C3orf80: variants seen among roughly 807,000 people sequenced by gnomAD.
The protein encoded by C3orf80 is uncharacterized membrane protein C3orf80.
In C3orf80, 10 loss-of-function variants were observed where a neutral mutation model predicts 15.8. That is an observed-to-expected ratio of 0.63 (90% CI 0.39 to 1.07). The LOEUF (loss-of-function observed/expected upper bound fraction) is 1.07. C3orf80 is among the 50% of genes least tolerant of loss of function. The pLI is 0.01. For missense variants in C3orf80, 364 were observed against 379.3 expected, an observed-to-expected ratio of 0.96 and a Z score of 0.34; for synonymous variants, 183 against 192.0, an observed-to-expected ratio of 0.95 and a Z score of 0.39.
rs13326571 is a variant in C3orf80 at position 160,225,476 on chromosome 3, A to C, written c.-160A>C. 1.6e-6 allele frequency: 1 copy of C among 638,346 alleles called. No homozygotes were observed. The highest frequency in any genetic ancestry group is 2.2e-6 in the Non-Finnish European group (1 of 451,078). The allele number at this position is 638,346 out of a possible 1,614,324, so 39.5% of individuals were successfully genotyped here. On this transcript the variant is annotated 5_prime_UTR_variant, in exon 1 of 1. Coordinates refer to ENST00000326474, the MANE Select transcript of C3orf80 (RefSeq NM_001168214.2). The surrounding 1 kb of genome is among the most constrained non-coding windows in gnomAD (Gnocchi z 5.6). ...CGCCGCGGGCTCCTCCTCCCGCCCAAGCGTGGCCAAGTGAGGACTGCTCCG... is the reference window on the plus strand; with the variant it reads ...CGCCGCGGGCTCCTCCTCCCGCCCACGCGTGGCCAAGTGAGGACTGCTCCG...
rs1725660893 is a variant in C3orf80 at position 160,225,948 on chromosome 3, A to G, written c.313A>G (p.Ser105Gly). Reference sequence around the variant, plus strand: ...TTTCCTGCAGCGCATCATCTGCCCCAGTCCACGCAGGTACCCGCGCGGCCA... The same window carrying G: ...TTTCCTGCAGCGCATCATCTGCCCCGGTCCACGCAGGTACCCGCGCGGCCA... ...GYFLQRIICP[S>G]PRRYPRGQAR... The change falls in exon 1 of 1, where the codon AGT becomes GGT. Residue 105 changes from serine (S) to glycine (G), a missense_variant. Physicochemically the swap from Ser to Gly is moderately conservative, Grantham distance 56 (BLOSUM62 0). Coordinates refer to ENST00000326474, the MANE Select transcript of C3orf80 (RefSeq NM_001168214.2). This position sits in a 1 kb window ranked among gnomAD's most constrained non-coding sequence, Gnocchi z 5.6. 2.8e-6 allele frequency: 4 copies of G among 1,416,654 alleles called. No homozygotes were observed. In the South Asian group the frequency reaches 5.9e-5, roughly 21 times the overall value. The allele number at this position is 1,416,654 out of a possible 1,614,324, so 87.8% of individuals were successfully genotyped here.
rs1382974249 is a variant in C3orf80 at position 160,225,806 on chromosome 3, C to T, written c.171C>T (p.Asn57=). ...GERERCCDAT[N]ATAVRCCKLP... The stretch of plus-strand genomic sequence containing the variant: ...GGGAGCGCTGCTGCGACGCGACCAA[C>T]GCCACGGCGGTGCGCTGCTGCAAGC... Residue 57 remains asparagine (N), a synonymous_variant, in exon 1 of 1, where the codon AAC becomes AAT. Transcript: ENST00000326474. This position sits in a 1 kb window ranked among gnomAD's most constrained non-coding sequence, Gnocchi z 5.6. 6.8e-7 allele frequency: 1 copy of T among 1,474,622 alleles called. No homozygotes were observed. Among genetic ancestry groups the T allele is most frequent in the Non-Finnish European group, 8.9e-7 (1 of 1,117,728 alleles). The allele number at this position is 1,474,622 out of a possible 1,614,324, so 91.3% of individuals were successfully genotyped here.
Position 160,226,196 on chromosome 3 carries a change from G to A in C3orf80, c.561G>A (p.Ser187=), listed in dbSNP as rs1263016834. ...CAGAGCACGAGATGCGTGTAGTGTC[G>A]CCGGTCTTCCTGCAGCTGCCCAGCT... ...CASEHEMRVV[S]PVFLQLPSYE... is the part of the protein sequence containing the mutation. Residue 187 remains serine, a synonymous_variant, in exon 1 of 1, where the codon TCG becomes TCA. Transcript: ENST00000326474. The surrounding 1 kb of genome is among the most constrained non-coding windows in gnomAD (Gnocchi z 5.2). 13 of 1,530,478 alleles carry A rather than the reference G, an allele frequency of 8.5e-6. No homozygotes were observed. The East Asian group carries it at 3.2e-4, about 38-fold the overall frequency. 94.8% of individuals were successfully genotyped at this position (1,530,478 alleles called of 1,614,324 possible). A position where few individuals can be genotyped will look rare whatever the true frequency, so the allele number is the denominator to read the frequency against.
At position 160,225,708 on chromosome 3, in the gene C3orf80, C is replaced by G; in HGVS notation, c.73C>G (p.Leu25Val). 2 of 1,382,616 alleles carry G rather than the reference C, an allele frequency of 1.4e-6. No individual in the cohort carries two copies. The highest frequency in any genetic ancestry group is 3.3e-5 in the South Asian group (2 of 59,712). 85.6% of individuals were successfully genotyped at this position (1,382,616 alleles called of 1,614,324 possible). The change falls in exon 1 of 1, where the codon CTA (leucine) becomes GTA (valine). Residue 25 changes from leucine (L) to valine (V), a missense_variant. Physicochemically the swap from Leu to Val is conservative, Grantham distance 32. Coordinates refer to ENST00000326474, the MANE Select transcript of C3orf80 (RefSeq NM_001168214.2). The surrounding 1 kb of genome is among the most constrained non-coding windows in gnomAD (Gnocchi z 5.6). ...GCCGCCGCCTCTGCTGCCGCTGCTG[C>G]TACTGCTGGCGCTGGCGCTGGTGGC... ...PAPPPLLPLL[L>V]LLALALVAPS... is the part of the protein sequence containing the mutation.
Position 160,226,380 on chromosome 3 carries a change from G to A in C3orf80, c.*1G>A, listed in dbSNP as rs113855599. On this transcript the variant is annotated 3_prime_UTR_variant, in exon 1 of 1. Transcript: ENST00000326474. The surrounding 1 kb of genome is among the most constrained non-coding windows in gnomAD (Gnocchi z 5.2). ...CGAGGGCCGCTACCCTCTTATCTGA[G>A]CGCTCGGGGATCGGCGGCTGGTGCA... The A allele has an allele frequency of 3.3e-3, 4,796 of 1,442,630 alleles. 11 individuals carry two copies. Among genetic ancestry groups the A allele is most frequent in the Non-Finnish European group, 4.2e-3 (4,579 of 1,102,378 alleles). 89.4% of individuals were successfully genotyped at this position (1,442,630 alleles called of 1,614,324 possible). A position where few individuals can be genotyped will look rare whatever the true frequency, so the allele number is the denominator to read the frequency against.
In C3orf80 at chr3:160,226,386, G is replaced by A. The variant is rs1711499765; in HGVS notation, c.*7G>A. ...CCGCTACCCTCTTATCTGAGCGCTC[G>A]GGGATCGGCGGCTGGTGCAGGGCTG... On this transcript the variant is annotated 3_prime_UTR_variant, in exon 1 of 1. Coordinates refer to ENST00000326474, the MANE Select transcript of C3orf80 (RefSeq NM_001168214.2). The surrounding 1 kb of genome is among the most constrained non-coding windows in gnomAD (Gnocchi z 5.2). 7.0e-6 allele frequency: 10 copies of A among 1,433,534 alleles called. No homozygotes were observed. Among genetic ancestry groups the A allele is most frequent in the African/African-American group, 1.5e-5 (1 of 67,126 alleles). 88.8% of individuals were successfully genotyped at this position (1,433,534 alleles called of 1,614,324 possible). A position where few individuals can be genotyped will look rare whatever the true frequency, so the allele number is the denominator to read the frequency against.
rs1711510296 is a variant in C3orf80 at position 160,227,559 on chromosome 3, A to G, written c.*1180A>G. ...TATGATGTTGTGCACTTTCTCCTCC[A>G]TTTTTCATTTGGAATACATTCCACA... On this transcript the variant is annotated 3_prime_UTR_variant, in exon 1 of 1. Transcript: ENST00000326474. 6.6e-6 allele frequency: 1 copy of G among 152,124 alleles called. No individual in the cohort carries two copies. Among genetic ancestry groups the G allele is most frequent in the South Asian group, 2.1e-4 (1 of 4,828 alleles). 9.4% of individuals were successfully genotyped at this position (152,124 alleles called of 1,614,324 possible). A position where few individuals can be genotyped will look rare whatever the true frequency, so the allele number is the denominator to read the frequency against.
At position 160,225,917 on chromosome 3, in the gene C3orf80, C is replaced by A. The variant is rs1159918860; in HGVS notation, c.282C>A (p.Ile94=). The A allele has an allele frequency of 6.8e-7, 1 of 1,470,414 alleles. No homozygotes were observed. The highest frequency in any genetic ancestry group is 2.3e-5 in the Admixed American group (1 of 43,582). The allele number at this position is 1,470,414 out of a possible 1,614,324, so 91.1% of individuals were successfully genotyped here. A position where few individuals can be genotyped will look rare whatever the true frequency, so the allele number is the denominator to read the frequency against. Residue 94 remains isoleucine, a synonymous_variant, in exon 1 of 1, where the codon ATC becomes ATA. Coordinates refer to ENST00000326474, the MANE Select transcript of C3orf80 (RefSeq NM_001168214.2). The surrounding 1 kb of genome is among the most constrained non-coding windows in gnomAD (Gnocchi z 5.6). The part of the protein sequence containing the change: ...GLLILLVLFA[I]GYFLQRIICP... The stretch of plus-strand genomic sequence containing the variant: ...TCATCCTGCTGGTGCTCTTCGCCAT[C>A]GGCTATTTCCTGCAGCGCATCATCT...
Position 160,226,558 on chromosome 3 carries a change from T to A in C3orf80, c.*179T>A, listed in dbSNP as rs907145546. The A allele has an allele frequency of 1.1e-5, 7 of 648,288 alleles. No individual in the cohort carries two copies. The highest frequency in any genetic ancestry group is 1.2e-5 in the Non-Finnish European group (5 of 430,662). The allele number at this position is 648,288 out of a possible 1,614,324, so 40.2% of individuals were successfully genotyped here. A position where few individuals can be genotyped will look rare whatever the true frequency, so the allele number is the denominator to read the frequency against. Reference sequence around the variant, plus strand: ...GTTCTCCCGGGATCTTATGTTTCTCTGCGTTTCATTCCGTTCAAAGAAACG... The same window carrying A: ...GTTCTCCCGGGATCTTATGTTTCTCAGCGTTTCATTCCGTTCAAAGAAACG... On this transcript the variant is annotated 3_prime_UTR_variant, in exon 1 of 1. Transcript: ENST00000326474. The surrounding 1 kb of genome is among the most constrained non-coding windows in gnomAD (Gnocchi z 5.2).
Position 160,225,501 on chromosome 3 carries a change from G to A in C3orf80, c.-135G>A, listed in dbSNP as rs965503984. On this transcript the variant is annotated 5_prime_UTR_variant, in exon 1 of 1. Transcript: ENST00000326474. This position sits in a 1 kb window ranked among gnomAD's most constrained non-coding sequence, Gnocchi z 5.6. Reference sequence around the variant, plus strand: ...AGCGTGGCCAAGTGAGGACTGCTCCGGCCGCAGGTAGCTGAGGCGCGGGAG... The same window carrying A: ...AGCGTGGCCAAGTGAGGACTGCTCCAGCCGCAGGTAGCTGAGGCGCGGGAG... 3.5e-6 allele frequency: 3 copies of A among 869,250 alleles called. No homozygotes were observed. Among genetic ancestry groups the A allele is most frequent in the East Asian group, 3.5e-5 (1 of 28,308 alleles). The allele number at this position is 869,250 out of a possible 1,614,324, so 53.8% of individuals were successfully genotyped here. A position where few individuals can be genotyped will look rare whatever the true frequency, so the allele number is the denominator to read the frequency against.
chr3:160,225,999 C>A lies in C3orf80; in HGVS notation c.364C>A (p.Pro122Thr). 7.5e-7 allele frequency: 1 copy of A among 1,324,888 alleles called. No individual in the cohort carries two copies. The highest frequency in any genetic ancestry group is 9.6e-7 in the Non-Finnish European group (1 of 1,042,726). The allele number at this position is 1,324,888 out of a possible 1,614,324, so 82.1% of individuals were successfully genotyped here. The change falls in exon 1 of 1, where the codon CCT becomes ACT. Residue 122 changes from proline to threonine, a missense_variant. Transcript: ENST00000326474. The surrounding 1 kb of genome is among the most constrained non-coding windows in gnomAD (Gnocchi z 5.6). ...GGCGCGCCCGGGACAGCGGCCCGGGCCTCCGGGGGGCGCCGGACCGCTGGG... is the reference window on the plus strand; with the variant it reads ...GGCGCGCCCGGGACAGCGGCCCGGGACTCCGGGGGGCGCCGGACCGCTGGG... ...GQARPGQRPG[P>T]PGGAGPLGGA...
In C3orf80 at chr3:160,225,534, G is replaced by A. The variant is rs932343697; in HGVS notation, c.-102G>A. On this transcript the variant is annotated 5_prime_UTR_variant, in exon 1 of 1. Coordinates refer to ENST00000326474, the MANE Select transcript of C3orf80 (RefSeq NM_001168214.2). The surrounding 1 kb of genome is among the most constrained non-coding windows in gnomAD (Gnocchi z 5.6). ...GTAGCTGAGGCGCGGGAGGCGGCGCGCGCGGGACCCGAGCGGAGCGCCGGG... is the reference window on the plus strand; with the variant it reads ...GTAGCTGAGGCGCGGGAGGCGGCGCACGCGGGACCCGAGCGGAGCGCCGGG... The A allele has an allele frequency of 8.9e-7, 1 of 1,123,294 alleles. No individual in the cohort carries two copies. The highest frequency in any genetic ancestry group is 1.1e-6 in the Non-Finnish European group (1 of 888,322). 69.6% of individuals were successfully genotyped at this position (1,123,294 alleles called of 1,614,324 possible). A position where few individuals can be genotyped will look rare whatever the true frequency, so the allele number is the denominator to read the frequency against.
In C3orf80 at chr3:160,225,684, C is replaced by T; in HGVS notation, c.49C>T (p.Pro17Ser). 7.2e-7 allele frequency: 1 copy of T among 1,394,856 alleles called. No individual in the cohort carries two copies. The highest frequency in any genetic ancestry group is 9.3e-7 in the Non-Finnish European group (1 of 1,079,988). The allele number at this position is 1,394,856 out of a possible 1,614,324, so 86.4% of individuals were successfully genotyped here. ...TGAGGGCCTGTCGGTGGCTCCGGCG[C>T]CGCCGCCTCTGCTGCCGCTGCTGCT... ...TAEGLSVAPAPPPLLPLLLLL... is the reference protein window; with the variant it reads ...TAEGLSVAPASPPLLPLLLLL... Residue 17 changes from proline to serine, a missense_variant, in exon 1 of 1, where the codon CCG becomes TCG. By Grantham distance (74) the Pro-to-Ser change is moderately conservative. Transcript: ENST00000326474. This position sits in a 1 kb window ranked among gnomAD's most constrained non-coding sequence, Gnocchi z 5.6.
At position 160,225,654 on chromosome 3, in the gene C3orf80, A is replaced by G; in HGVS notation, c.19A>G (p.Thr7Ala). 1 of 1,383,342 alleles carries G rather than the reference A, an allele frequency of 7.2e-7. No individual in the cohort carries two copies. The highest frequency in any genetic ancestry group is 9.3e-7 in the Non-Finnish European group (1 of 1,073,720). 85.7% of individuals were successfully genotyped at this position (1,383,342 alleles called of 1,614,324 possible). A position where few individuals can be genotyped will look rare whatever the true frequency, so the allele number is the denominator to read the frequency against. ...GCGGGCCATGTGGGGACCCGGGGTC[A>G]CTGCTGAGGGCCTGTCGGTGGCTCC... MWGPGV[T>A]AEGLSVAPAP... Residue 7 changes from threonine to alanine, a missense_variant, in exon 1 of 1, where the codon ACT becomes GCT. Coordinates refer to ENST00000326474, the MANE Select transcript of C3orf80 (RefSeq NM_001168214.2). The surrounding 1 kb of genome is among the most constrained non-coding windows in gnomAD (Gnocchi z 5.6).
chr3:160,226,375 T>C lies in C3orf80; in HGVS notation c.740T>C (p.Ile247Thr), dbSNP rs1015734661. The change falls in exon 1 of 1, where the codon ATC becomes ACC. Residue 247 changes from isoleucine to threonine, a missense_variant. Coordinates refer to ENST00000326474, the MANE Select transcript of C3orf80 (RefSeq NM_001168214.2). This position sits in a 1 kb window ranked among gnomAD's most constrained non-coding sequence, Gnocchi z 5.2. ...PDGGEGRYPL[I>T] ...GGCGGCGAGGGCCGCTACCCTCTTA[T>C]CTGAGCGCTCGGGGATCGGCGGCTG... 6.9e-6 allele frequency: 10 copies of C among 1,449,328 alleles called. No homozygotes were observed. In the African/African-American group the frequency reaches 1.3e-4, roughly 19 times the overall value. The allele number at this position is 1,449,328 out of a possible 1,614,324, so 89.8% of individuals were successfully genotyped here.
Position 160,225,656 on chromosome 3 carries a change from T to C in C3orf80, c.21T>C (p.Thr7=). 1 of 1,390,818 alleles carries C rather than the reference T, an allele frequency of 7.2e-7. No homozygotes were observed. The highest frequency in any genetic ancestry group is 2.0e-4 in the Middle Eastern group (1 of 4,936). 86.2% of individuals were successfully genotyped at this position (1,390,818 alleles called of 1,614,324 possible). ...GGGCCATGTGGGGACCCGGGGTCACTGCTGAGGGCCTGTCGGTGGCTCCGG... is the reference window on the plus strand; with the variant it reads ...GGGCCATGTGGGGACCCGGGGTCACCGCTGAGGGCCTGTCGGTGGCTCCGG... MWGPGV[T]AEGLSVAPAP... The change falls in exon 1 of 1, where the codon ACT becomes ACC. Residue 7 remains threonine (T), a synonymous_variant. Transcript: ENST00000326474. This position sits in a 1 kb window ranked among gnomAD's most constrained non-coding sequence, Gnocchi z 5.6.
At position 160,225,692 on chromosome 3, in the gene C3orf80, T is replaced by A; in HGVS notation, c.57T>A (p.Pro19=). 1.4e-6 allele frequency: 2 copies of A among 1,393,692 alleles called. No individual in the cohort carries two copies. Among genetic ancestry groups the A allele is most frequent in the South Asian group, 1.6e-5 (1 of 62,064 alleles). 86.3% of individuals were successfully genotyped at this position (1,393,692 alleles called of 1,614,324 possible). ...EGLSVAPAPP[P]LLPLLLLLAL... ...TGTCGGTGGCTCCGGCGCCGCCGCC[T>A]CTGCTGCCGCTGCTGCTACTGCTGG... Residue 19 remains proline, a synonymous_variant, in exon 1 of 1, where the codon CCT becomes CCA. Coordinates refer to ENST00000326474, the MANE Select transcript of C3orf80 (RefSeq NM_001168214.2). The surrounding 1 kb of genome is among the most constrained non-coding windows in gnomAD (Gnocchi z 5.6).
chr3:160,226,165 G>A lies in C3orf80; in HGVS notation c.530G>A (p.Cys177Tyr). The A allele has an allele frequency of 1.3e-6, 2 of 1,527,464 alleles. No homozygotes were observed. Among genetic ancestry groups the A allele is most frequent in the Non-Finnish European group, 1.7e-6 (2 of 1,143,504 alleles). The allele number at this position is 1,527,464 out of a possible 1,614,324, so 94.6% of individuals were successfully genotyped here. ...RGGGGRSDPSCASEHEMRVVS... is the reference protein window; with the variant it reads ...RGGGGRSDPSYASEHEMRVVS... ...GGCGGCGGGCGCTCGGACCCCTCCT[G>A]CGCCTCAGAGCACGAGATGCGTGTA... The change falls in exon 1 of 1, where the codon TGC (cysteine) becomes TAC (tyrosine). Residue 177 changes from cysteine (C) to tyrosine (Y), a missense_variant. Physicochemically the swap from Cys to Tyr is radical, Grantham distance 194 (BLOSUM62 -2). Coordinates refer to ENST00000326474, the MANE Select transcript of C3orf80 (RefSeq NM_001168214.2). This position sits in a 1 kb window ranked among gnomAD's most constrained non-coding sequence, Gnocchi z 5.2.
chr3:160,228,049 G>T lies in C3orf80; in HGVS notation c.*1670G>T, dbSNP rs555915850. On this transcript the variant is annotated 3_prime_UTR_variant, in exon 1 of 1. Coordinates refer to ENST00000326474, the MANE Select transcript of C3orf80 (RefSeq NM_001168214.2). ...TTAATTAAATTTTTAAAGGCTGGTT[G>T]AAAAAGTCTGACAGTTCTGAGAATT... 9.9e-5 allele frequency: 15 copies of T among 152,202 alleles called. No individual in the cohort carries two copies. Among genetic ancestry groups the T allele is most frequent in the African/African-American group, 3.6e-4 (15 of 41,548 alleles). 9.4% of individuals were successfully genotyped at this position (152,202 alleles called of 1,614,324 possible). A position where few individuals can be genotyped will look rare whatever the true frequency, so the allele number is the denominator to read the frequency against.
Sources: allele counts gnomAD v4.1 joint callset, GRCh38; gene constraint gnomAD v4.1.1; non-coding constraint Gnocchi (gnomAD v3.1); transcripts MANE v1.5; gene names NCBI Gene and HGNC (gene_info 2026-07-23, HGNC 2026-07-21).